USH2A: variants seen among roughly 807,000 people sequenced by gnomAD.
USH2A encodes Usher syndrome 2A (autosomal recessive, mild).
Under a neutral mutation model 538.9 loss-of-function variants are expected in USH2A, and 443 were observed. The observed-to-expected ratio is 0.82, with a 90% CI of 0.76 to 0.89. The LOEUF (loss-of-function observed/expected upper bound fraction) is 0.89, where lower values mean the gene tolerates loss of function less well. Ranked by LOEUF, USH2A falls within the 40% of genes least tolerant of loss-of-function variation. The probability of loss-of-function intolerance (pLI) is 0.00; values close to 1 mark genes in which losing one functional copy is unlikely to be tolerated. For synonymous variants in USH2A, 2,413 were observed against 2,273.5 expected (o/e 1.06, Z -1.75); for missense variants, 6,633 against 6,324.8 (o/e 1.05, Z -1.65).
At chr1:215,898,548 T>G (rs932100711) in intron 40 of USH2A, among the ~76,000 whole-genome samples, 1 of 152,090 alleles carries the variant, frequency 6.6e-6, no homozygotes. Flanking sequence ...GAAGTTTGAG[T>G]GTTGCCCTTT....
chr1:215,905,241 TTCCATATGCACTGAA>T (rs1665609039), intron 38 of USH2A, among the ~76,000 whole-genome samples: 2 of 152,152 alleles, frequency 1.3e-5, no homozygotes. Context: ...TCACTGTGCT[TTCCATATGCACTGAA>T]TTCTTTCTCA....
intron 12 of USH2A, among the ~76,000 whole-genome samples, chr1:216,250,553 G>T (rs560342117): frequency 6.6e-6 from 1 of 152,238 alleles, no homozygotes; most frequent in South Asian, 2.1e-4. Context: ...GATTTGCTTA[G>T]AACTCATTAA....
chr1:215,757,428 A>G (rs1660845543), intron 58 of USH2A, among the ~76,000 whole-genome samples: 1 of 152,184 alleles, frequency 6.6e-6, no homozygotes, highest in African/African-American at 2.4e-5. Context: ...AAATAGGCTT[A>G]TGTTAATTAT....
At chr1:215,899,427 T>C (rs1206288800) in intron 40 of USH2A, among the ~76,000 whole-genome samples, 3 of 152,226 alleles carry the variant, frequency 2.0e-5, no homozygotes, top group Non-Finnish European at 4.4e-5. Context: ...ATATATGCTT[T>C]TATAGAGGTA....
chr1:215,721,367 C>T (rs767099842), intron 61 of USH2A, among the ~76,000 whole-genome samples: 1 of 152,090 alleles, frequency 6.6e-6, no homozygotes, highest in African/African-American at 2.4e-5. Context: ...GAGCCATCGC[C>T]CCCAGTCTAG....
intron 37 of USH2A, among the ~76,000 whole-genome samples, chr1:215,945,168 T>C (rs1358439436): frequency 6.6e-6 from 1 of 152,122 alleles, no homozygotes; most frequent in Non-Finnish European, 1.5e-5. Context: ...TATAAATTTG[T>C]TTGTAAAGCA....
chr1:216,042,126 A>G (rs916681753), intron 32 of USH2A, among the ~76,000 whole-genome samples: 19 of 152,050 alleles, frequency 1.2e-4, no homozygotes, highest in African/African-American at 4.6e-4. Context: ...GTTATTCAAA[A>G]CATTTCAAAA....
rs111033397 is a variant in USH2A, at chr1:215,844,339, C to T, written c.9213G>A (p.Ser3071=). 3,671 of 1,613,708 alleles carry T rather than the reference C, an allele frequency of 2.3e-3. 47 individuals carry two copies. The African/African-American group carries it at 0.038, about 17-fold the overall frequency. ...LYKTGMNVPG[S]FILRDLSPFT... is the part of the protein sequence containing the mutation. ...AGGGAGACAGGTCTCTCAGAATAAA[C>T]GACCCAGGCACATTCATTCCAGTCT... is the stretch of plus-strand genomic sequence containing the variant. Residue 3071 remains serine (S), a synonymous_variant, in exon 46 of 72, where the codon TCG becomes TCA. Coordinates refer to ENST00000307340, the MANE Select transcript of USH2A (RefSeq NM_206933.4).
At chr1:215,819,360 T>G (rs1464260734) in intron 47 of USH2A, among the ~76,000 whole-genome samples, 1 of 151,632 alleles carries the variant, frequency 6.6e-6, no homozygotes, top group Non-Finnish European at 1.5e-5. Context: ...AATATTTATG[T>G]TAAAAAGCGG....
rs76212130 is a variant in USH2A at position 215,969,329 on chromosome 1, C to A, written c.6957+1296G>T. Among the ~76,000 whole-genome samples, 1,481 of 152,222 alleles carry A rather than the reference C, an allele frequency of 9.7e-3. 29 individuals are homozygous for A. The highest frequency in any genetic ancestry group is 0.034 in the African/African-American group (1,421 of 41,574). On this transcript the variant is annotated intron_variant, in intron 36 of 71. Coordinates refer to ENST00000307340, the MANE Select transcript of USH2A (RefSeq NM_206933.4). The stretch of plus-strand genomic sequence containing the variant: ...TTTTACAACCCAATTCTATTCCCCC[C>A]TTCCTATCAGAGCTTTGTGGCATTT...
chr1:216,344,794 C>T (rs2038142215), intron 4 of USH2A, among the ~76,000 whole-genome samples: 1 of 151,632 alleles, frequency 6.6e-6, no homozygotes, highest in Non-Finnish European at 1.5e-5. Flanking sequence ...CAAGGCCCAA[C>T]TTAAGAAGGT....
chr1:216,211,679 C>A (rs1428350057), intron 15 of USH2A, among the ~76,000 whole-genome samples: 1 of 152,106 alleles, frequency 6.6e-6, no homozygotes, highest in South Asian at 2.1e-4. Context: ...TTCCAACAGT[C>A]TATATGCCTA....
At chr1:215,809,774 A>G (rs1159252356) in intron 49 of USH2A, among the ~76,000 whole-genome samples, 4 of 152,178 alleles carry the variant, frequency 2.6e-5, no homozygotes, top group Non-Finnish European at 5.9e-5. Flanking sequence ...GAAGAAAGTC[A>G]TGAGAAAAAA....
intron 37 of USH2A, among the ~76,000 whole-genome samples, chr1:215,962,825 C>A (rs1209107174): frequency 6.6e-6 from 1 of 152,044 alleles, no homozygotes; most frequent in African/African-American, 2.4e-5. Context: ...CAAAAGTGAA[C>A]AATTTTTAAG....
In USH2A at chr1:216,200,146, AC is replaced by A. The variant is rs762299024; in HGVS notation, c.3317-26del. ...CCTGAAATGAAAAGAAAAAAAAAAAACAAAGTTACATTTCACAAGTTGGTGA... is the reference window on the plus strand; with the variant it reads ...CCTGAAATGAAAAGAAAAAAAAAAAAAAAGTTACATTTCACAAGTTGGTGA... On this transcript the variant is annotated intron_variant, in intron 16 of 71. Transcript: ENST00000307340. 4.4e-6 allele frequency: 7 copies of A among 1,598,846 alleles called. No homozygotes were observed. In the East Asian group the frequency reaches 9.0e-5, roughly 20 times the overall value.
chr1:216,055,977 A>G (rs2030962683), intron 30 of USH2A, among the ~76,000 whole-genome samples: 1 of 152,216 alleles, frequency 6.6e-6, no homozygotes, highest in South Asian at 2.1e-4. Context: ...GTTGATTCTT[A>G]CAAACAGGAA....
chr1:216,421,401 T>G (rs2039674166), intron 2 of USH2A, among the ~76,000 whole-genome samples: 2 of 152,140 alleles, frequency 1.3e-5, no homozygotes, highest in South Asian at 4.1e-4. Flanking sequence ...GAAACGAGGA[T>G]GAAGAAAACA....
intron 37 of USH2A, among the ~76,000 whole-genome samples, chr1:215,936,565 C>T (rs774401107): frequency 6.6e-6 from 1 of 152,016 alleles, no homozygotes; most frequent in African/African-American, 2.4e-5. Context: ...ATTTCTTTAT[C>T]ATATCCAGCA....
chr1:215,901,299 C>T, intron 38 of USH2A: 1 of 307,688 alleles, frequency 3.3e-6, no homozygotes, highest in South Asian at 3.0e-5. Flanking sequence ...TCATATTCTT[C>T]CCCCCGATAT....
Sources: gnomAD v4.1 joint callset for allele counts (sites outside exome capture counted in the v4.1 genomes callset) on GRCh38, gnomAD v4.1.1 for gene constraint, MANE v1.5 for transcripts, NCBI Gene and HGNC (gene_info 2026-07-23, HGNC 2026-07-21) for gene names.